TRIM9: variants seen among roughly 807,000 people sequenced by gnomAD.
TRIM9 encodes the protein E3 ubiquitin-protein ligase TRIM9.
In TRIM9, 26 loss-of-function variants were observed where a neutral mutation model predicts 78.3. That is an observed-to-expected ratio of 0.33 (90% CI 0.24 to 0.46). The LOEUF is 0.46. Among genes scored for constraint, TRIM9 ranks in the 20% least tolerant of loss-of-function variants. The probability of loss-of-function intolerance (pLI) is 1.00; values close to 1 mark genes in which losing one functional copy is unlikely to be tolerated. For missense variants in TRIM9, 787 were observed against 1,036.4 expected, an observed-to-expected ratio of 0.76 and a Z score of 3.30; for synonymous variants, 398 against 416.5, an observed-to-expected ratio of 0.96 and a Z score of 0.54.
intron 3 of TRIM9, 149 bp from the exon 4 acceptor site, chr14:51,010,643 G>C (rs147044968): frequency 1.6e-6 from 1 of 625,590 alleles, no homozygotes; most frequent in East Asian, 2.8e-5. Context: ...GGCAGTGTCT[G>C]CTGGGGATAA....
chr14:51,056,000 A>G (rs952935577), intron 1 of TRIM9, among the ~76,000 whole-genome samples: 5 of 152,268 alleles, frequency 3.3e-5, no homozygotes, highest in East Asian at 1.9e-4. Context: ...GACAACCTTC[A>G]TCGGAATGTA....
intron 9 of TRIM9, 63 bp from the exon 10 acceptor site, chr14:50,983,028 A>G (rs1198454368): frequency 1.4e-6 from 2 of 1,474,782 alleles, no homozygotes; most frequent in Non-Finnish European, 1.9e-6. Context: ...GACATGGATA[A>G]GAAAATGTGT....
intron 1 of TRIM9, among the ~76,000 whole-genome samples, chr14:51,031,980 TATTCC>T (rs2058767861): frequency 6.6e-6 from 1 of 152,248 alleles, no homozygotes; most frequent in Admixed American, 6.5e-5. Flanking sequence ...TCTGTGCTTT[TATTCC>T]AACACACTGT....
intron 12 of TRIM9, 60 bp downstream of exon 12, chr14:50,979,327 G>T: frequency 6.2e-7 from 1 of 1,613,946 alleles, no homozygotes; most frequent in Non-Finnish European, 8.5e-7. Flanking sequence ...GAACGGCCCT[G>T]GGCAGCCTTT....
intron 8 of TRIM9, among the ~76,000 whole-genome samples, chr14:50,983,676 A>G (rs1566543534): frequency 6.6e-6 from 1 of 152,222 alleles, no homozygotes; most frequent in Non-Finnish European, 1.5e-5. Context: ...TGAATTTTTC[A>G]TCTTCCAAGT....
At position 51,092,521 on chromosome 14, in the gene TRIM9, G is replaced by T. The variant is rs79150092; in HGVS notation, c.822+1597C>A. ...CTGGGAGACTCTGAGCAAGGCCACA[G>T]CTGAGGCCTGGACACTATCTTCACT... On this transcript the variant is annotated intron_variant, in intron 1 of 12. Transcript: ENST00000684578. Among the ~76,000 whole-genome samples the T allele has an allele frequency of 1.9e-3, 293 of 152,336 alleles. 3 individuals are homozygous for T. The highest frequency in any genetic ancestry group is 6.7e-3 in the African/African-American group (278 of 41,574).
intron 1 of TRIM9, among the ~76,000 whole-genome samples, chr14:51,056,533 C>T (rs1344565470): frequency 6.6e-6 from 1 of 152,198 alleles, no homozygotes; most frequent in African/African-American, 2.4e-5. Context: ...ATAAGTCCAA[C>T]ATTTTCCAGG....
At chr14:51,011,940 G>A (rs548719252) in intron 3 of TRIM9, among the ~76,000 whole-genome samples, 6 of 152,304 alleles carry the variant, frequency 3.9e-5, no homozygotes, top group African/African-American at 1.4e-4. Flanking sequence ...ATCCCATTGA[G>A]TGGGTAATCT....
intron 6 of TRIM9, among the ~76,000 whole-genome samples, chr14:50,998,815 C>G (rs1050021079): frequency 6.6e-6 from 1 of 152,216 alleles, no homozygotes; most frequent in African/African-American, 2.4e-5. Context: ...CATAATGCGT[C>G]TTTAGCATAG....
intron 8 of TRIM9, among the ~76,000 whole-genome samples, chr14:50,984,339 A>G (rs1366438411): frequency 1.1e-4 from 17 of 152,266 alleles, no homozygotes. Context: ...TTTTACAAGA[A>G]TTAAAAAAGC....
intron 1 of TRIM9, among the ~76,000 whole-genome samples, chr14:51,064,946 T>C (rs955570344): frequency 1.3e-5 from 2 of 152,322 alleles, no homozygotes; most frequent in Non-Finnish European, 2.9e-5. Context: ...CAGATGATTT[T>C]ACTGGTGAAC....
chr14:51,060,000 T>C (rs2061215272), intron 1 of TRIM9, among the ~76,000 whole-genome samples: 1 of 152,180 alleles, frequency 6.6e-6, no homozygotes, highest in Admixed American at 6.5e-5. Flanking sequence ...AAGTGTTTTA[T>C]CCTAATTTCA....
chr14:51,086,744 G>A (rs1276180509), intron 1 of TRIM9, among the ~76,000 whole-genome samples: 1 of 152,138 alleles, frequency 6.6e-6, no homozygotes, highest in Non-Finnish European at 1.5e-5. Flanking sequence ...AAGAGAGTCT[G>A]GGACCAAACT....
intron 1 of TRIM9, among the ~76,000 whole-genome samples, chr14:51,043,332 A>T (rs2059705312): frequency 6.6e-6 from 1 of 152,210 alleles, no homozygotes; most frequent in Non-Finnish European, 1.5e-5. Context: ...ATGCAGCCGG[A>T]GGAAGGAGTT....
chr14:51,013,730 A>G (rs2056842769), intron 3 of TRIM9, among the ~76,000 whole-genome samples: 1 of 152,054 alleles, frequency 6.6e-6, no homozygotes, highest in African/African-American at 2.4e-5. Flanking sequence ...CACCACCACC[A>G]TATGTTGGTC....
chr14:50,979,964 G>C (rs1194700484), intron 11 of TRIM9, among the ~76,000 whole-genome samples: 1 of 152,192 alleles, frequency 6.6e-6, no homozygotes, highest in Non-Finnish European at 1.5e-5. Context: ...CTGACTCTAG[G>C]AATATTGCAC....
intron 7 of TRIM9, 43 bp downstream of exon 7, chr14:50,998,007 C>G: frequency 1.9e-6 from 3 of 1,612,446 alleles, no homozygotes; most frequent in Non-Finnish European, 2.5e-6. Flanking sequence ...ACTTTAGATG[C>G]CACGCAGTTC....
chr14:51,065,809 G>A (rs2061683865), intron 1 of TRIM9, among the ~76,000 whole-genome samples: 1 of 152,048 alleles, frequency 6.6e-6, no homozygotes, highest in Non-Finnish European at 1.5e-5. Flanking sequence ...CCTTTAAGCT[G>A]CTATGCCCTT....
At chr14:50,986,798 T>G (rs1479056421) in intron 7 of TRIM9, among the ~76,000 whole-genome samples, 1 of 152,196 alleles carries the variant, frequency 6.6e-6, no homozygotes, top group South Asian at 2.1e-4. Context: ...TCTAGGGATG[T>G]CACTTGACCA....
Sources: allele counts gnomAD v4.1 joint callset (sites outside exome capture counted in the v4.1 genomes callset), GRCh38; gene constraint gnomAD v4.1.1; transcripts MANE v1.5; gene names NCBI Gene and HGNC (gene_info 2026-07-23, HGNC 2026-07-21).